THEMIS: variants seen among roughly 807,000 people sequenced by gnomAD.
THEMIS encodes the protein thymocyte selection associated, also known as protein THEMIS.
A neutral mutation model predicts 52.6 loss-of-function variants in THEMIS; 37 were observed. The ratio of observed to expected loss-of-function variants is 0.70; its 90% confidence interval spans 0.54 to 0.93. THEMIS has a LOEUF of 0.93. THEMIS is among the 40% of genes least tolerant of loss of function. THEMIS has a pLI of 0.00. For missense variants in THEMIS, 808 were observed against 763.1 expected (o/e 1.06, Z -0.69); for synonymous variants, 292 against 272.7 (o/e 1.07, Z -0.70).
chr6:127,888,602 C>T (rs1160462274), intron 1 of THEMIS, among the ~76,000 whole-genome samples: 1 of 151,972 alleles, frequency 6.6e-6, no homozygotes, highest in Non-Finnish European at 1.5e-5. Flanking sequence ...TGCATTTCTG[C>T]ATTTATAAAA....
At chr6:127,804,622 G>A (rs1470851512) in intron 4 of THEMIS, among the ~76,000 whole-genome samples, 4 of 152,120 alleles carry the variant, frequency 2.6e-5, no homozygotes, top group African/African-American at 9.7e-5. Flanking sequence ...TGAGAATTTG[G>A]TTGAAGCAGA....
intron 4 of THEMIS, among the ~76,000 whole-genome samples, chr6:127,781,811 C>G (rs1032600158): frequency 3.3e-5 from 5 of 152,114 alleles, no homozygotes. Context: ...CTGGAGCTCT[C>G]CTGTATGAGG....
intron 1 of THEMIS, among the ~76,000 whole-genome samples, chr6:127,860,558 A>G (rs1779761981): frequency 6.6e-6 from 1 of 152,142 alleles, no homozygotes; most frequent in African/African-American, 2.4e-5. Flanking sequence ...GTCAAGCCTA[A>G]AGACTGAAAT....
chr6:127,826,151 A>T (rs1778499039), intron 3 of THEMIS, among the ~76,000 whole-genome samples: 1 of 152,150 alleles, frequency 6.6e-6, no homozygotes, highest in Admixed American at 6.5e-5. Flanking sequence ...TATGTGCCAG[A>T]AAGTAGGGGA....
chr6:127,753,034 C>CA lies in THEMIS; in HGVS notation c.1759-33212dup, dbSNP rs1362348599. On this transcript the variant is annotated intron_variant, in intron 4 of 5. Transcript: ENST00000368248. ...CATATGCAAATCAATAAATATGATA[C>CA]ACCACATTAATGGAATGATGATTAA... is the stretch of plus-strand genomic sequence containing the variant. Among the ~76,000 whole-genome samples the CA allele has an allele frequency of 3.3e-5, 5 of 152,016 alleles. No individual in the cohort carries two copies. The South Asian group carries it at 1.0e-3, about 32-fold the overall frequency.
intron 1 of THEMIS, among the ~76,000 whole-genome samples, chr6:127,912,550 T>G (rs17055116): frequency 0.018 from 2,674 of 152,264 alleles, 85 homozygotes; most frequent in African/African-American, 0.06. Flanking sequence ...TAATTGAAGA[T>G]CTGTGTAAGT....
At position 127,829,734 on chromosome 6, in the gene THEMIS, T is replaced by C; in HGVS notation, c.451A>G (p.Ser151Gly). 6.2e-7 allele frequency: 1 copy of C among 1,614,140 alleles called. No individual in the cohort carries two copies. Among genetic ancestry groups the C allele is most frequent in the South Asian group, 1.1e-5 (1 of 91,078 alleles). The change falls in exon 3 of 6, where the codon AGC becomes GGC. Residue 151 changes from serine (S) to glycine (G), a missense_variant. Transcript: ENST00000368248. ...VEEIDGEIMV[S>G]CAVARNHQTH... ...TGATGATTCCTTGCTACTGCACAGC[T>C]CACCATTATTTCTCCATCAATCTCT...
rs757127034 is a variant in THEMIS, at chr6:127,719,811, C to G, written c.1771G>C (p.Asp591His). The change falls in exon 5 of 6, where the codon GAC becomes CAC. Residue 591 changes from aspartate (D) to histidine (H), a missense_variant. Transcript: ENST00000368248. ...TTTGGGTGAAGTTTCTTGGTTATGTCTACGTGATGACGCTGAAATGACACA... is the reference window on the plus strand; with the variant it reads ...TTTGGGTGAAGTTTCTTGGTTATGTGTACGTGATGACGCTGAAATGACACA... The part of the protein sequence containing the change: ...LPKSPKRHHV[D>H]ITKKLHPNQA... 1 of 1,611,962 alleles carries G rather than the reference C, an allele frequency of 6.2e-7. No homozygotes were observed. Among genetic ancestry groups the G allele is most frequent in the Non-Finnish European group, 8.5e-7 (1 of 1,178,754 alleles).
intron 1 of THEMIS, among the ~76,000 whole-genome samples, chr6:127,869,567 C>T (rs968582555): frequency 3.3e-5 from 5 of 152,178 alleles, no homozygotes; most frequent in East Asian, 1.9e-4. Flanking sequence ...TCTGTATTTG[C>T]GGAGTTCCAG....
At chr6:127,812,096 C>G (rs1393648997) in intron 4 of THEMIS, among the ~76,000 whole-genome samples, 1 of 152,160 alleles carries the variant, frequency 6.6e-6, no homozygotes, top group African/African-American at 2.4e-5. Context: ...GACCAGAATG[C>G]ACTCCTTCCA....
At chr6:127,890,273 T>C (rs1308805278) in intron 1 of THEMIS, among the ~76,000 whole-genome samples, 1 of 152,156 alleles carries the variant, frequency 6.6e-6, no homozygotes, top group Non-Finnish European at 1.5e-5. Flanking sequence ...CAGTATTCAG[T>C]AATAAAAACA....
rs1490364954 is a variant in THEMIS at position 127,886,869 on chromosome 6, AT to A, written c.91+13972del. Reference sequence around the variant, plus strand: ...TCTGGAATAAATCATAACCATGAGTATAATAGCTTATGTAGTTCGAGTTCTT... The same window carrying A: ...TCTGGAATAAATCATAACCATGAGTAAATAGCTTATGTAGTTCGAGTTCTT... On this transcript the variant is annotated intron_variant, in intron 1 of 5. Coordinates refer to ENST00000368248, the MANE Select transcript of THEMIS (RefSeq NM_001010923.3). 3.3e-5 allele frequency among the ~76,000 whole-genome samples: 5 copies of A among 152,194 alleles called. No individual in the cohort carries two copies. In the East Asian group the frequency reaches 9.7e-4, roughly 29 times the overall value.
At chr6:127,886,756 C>T (rs1780659291) in intron 1 of THEMIS, among the ~76,000 whole-genome samples, 2 of 152,232 alleles carry the variant, frequency 1.3e-5, no homozygotes, top group East Asian at 1.9e-4. Flanking sequence ...CCATATGTCT[C>T]CACTGGGAGA....
chr6:127,907,831 TTTTTA>T (rs138296033), intron 1 of THEMIS, among the ~76,000 whole-genome samples: 113,158 of 150,578 alleles, frequency 0.75, 42,874 homozygotes, highest in East Asian at 0.9. Flanking sequence ...TACATTCTTC[TTTTTA>T]TTTTATTTTA....
intron 1 of THEMIS, among the ~76,000 whole-genome samples, chr6:127,912,804 T>A (rs1781440812): frequency 6.6e-6 from 1 of 152,234 alleles, no homozygotes; most frequent in Admixed American, 6.5e-5. Flanking sequence ...CCTGAAAATA[T>A]GACAAATTTT....
At chr6:127,701,524 A>G in the THEMIS span, among the ~76,000 whole-genome samples, 1 of 152,090 alleles carries the variant, frequency 6.6e-6, no homozygotes, top group African/African-American at 2.4e-5. Flanking sequence ...ATTGGTAGCT[A>G]AATTAGTTTA....
intron 4 of THEMIS, among the ~76,000 whole-genome samples, chr6:127,750,816 G>A (rs1484969641): frequency 2.6e-5 from 4 of 151,748 alleles, no homozygotes; most frequent in African/African-American, 9.7e-5. Context: ...GGCCAGGAGA[G>A]TAAGATTATA....
At chr6:127,774,017 A>G (rs1033514939) in intron 4 of THEMIS, among the ~76,000 whole-genome samples, 1 of 152,198 alleles carries the variant, frequency 6.6e-6, no homozygotes, top group African/African-American at 2.4e-5. Context: ...GCTATATCCA[A>G]GATGGCTCAC....
At chr6:127,898,921 A>C (rs962431187) in intron 1 of THEMIS, among the ~76,000 whole-genome samples, 2 of 151,880 alleles carry the variant, frequency 1.3e-5, no homozygotes, top group Non-Finnish European at 2.9e-5. Context: ...AAAAAAATTG[A>C]TATCATGGAG....
Sources: allele counts gnomAD v4.1 joint callset (sites outside exome capture counted in the v4.1 genomes callset), GRCh38; gene constraint gnomAD v4.1.1; transcripts MANE v1.5; gene names NCBI Gene and HGNC (gene_info 2026-07-23, HGNC 2026-07-21).